SFI1: variants seen among roughly 807,000 people sequenced by gnomAD.
SFI1 encodes the protein SFI1 centrin binding protein.
SFI1 carries 195 observed loss-of-function variants against 207.5 expected under a neutral mutation model. The ratio of observed to expected loss-of-function variants is 0.94; its 90% CI spans 0.84 to 1.06. The LOEUF (loss-of-function observed/expected upper bound fraction) is 1.06, where lower values mean the gene tolerates loss of function less well. Ranked by LOEUF, SFI1 falls within the 50% of genes least tolerant of loss-of-function variation. The probability of loss-of-function intolerance (pLI) is 0.00; values close to 1 mark genes in which losing one functional copy is unlikely to be tolerated. For missense variants in SFI1, 1,634 were observed against 1,588.0 expected, an observed-to-expected ratio of 1.03 and a Z score of -0.49; for synonymous variants, 630 against 598.9, an observed-to-expected ratio of 1.05 and a Z score of -0.76.
chr22:31,615,166 G>T lies in SFI1; in HGVS notation c.3187G>T (p.Ala1063Ser), dbSNP rs112771002. 6.2e-7 allele frequency: 1 copy of T among 1,605,304 alleles called. No individual in the cohort carries two copies. The highest frequency in any genetic ancestry group is 1.1e-5 in the South Asian group (1 of 90,662). Reference sequence around the variant, plus strand: ...GGTCCCACACAGCCCCCTGCCTGGGGCCCTGTCAAGCGCCCCTGGCCCGAA... The same window carrying T: ...GGTCCCACACAGCCCCCTGCCTGGGTCCCTGTCAAGCGCCCCTGGCCCGAA... The part of the protein sequence containing the change: ...ALVPHSPLPG[A>S]LSSAPGPKQP... The change falls in exon 29 of 33, where the codon GCC becomes TCC. Residue 1063 changes from alanine (A) to serine (S), a missense_variant. Physicochemically the swap from Ala to Ser is moderately conservative, Grantham distance 99 (BLOSUM62 1). Coordinates refer to ENST00000400288, the MANE Select transcript of SFI1 (RefSeq NM_001007467.3).
chr22:31,611,197 A>G lies in SFI1; in HGVS notation c.2309A>G (p.Gln770Arg). 6.2e-7 allele frequency: 1 copy of G among 1,614,122 alleles called. No individual in the cohort carries two copies. The highest frequency in any genetic ancestry group is 8.5e-7 in the Non-Finnish European group (1 of 1,180,040). The stretch of plus-strand genomic sequence containing the variant: ...TGGGACTGCAGCCGGAGGTCAGCCC[A>G]GCAGAGACTGCAGCTGGAGAGGGCA... ...RWWDCSRRSA[Q>R]QRLQLERAVQ... The change falls in exon 23 of 33, where the codon CAG becomes CGG. Residue 770 changes from glutamine (Q) to arginine (R), a missense_variant. Transcript: ENST00000400288.
chr22:31,595,711 G>A (rs1328256292), intron 15 of SFI1, among the ~76,000 whole-genome samples: 2 of 152,232 alleles, frequency 1.3e-5, no homozygotes, highest in Non-Finnish European at 2.9e-5. Flanking sequence ...GAGCATGGAA[G>A]TATCTGGGAG....
At chr22:31,550,687 A>T in intron 6 of SFI1, 1 of 255,944 alleles carries the variant, frequency 3.9e-6, no homozygotes. Flanking sequence ...CAAGTTGCCC[A>T]GAGACTCTGG....
intron 9 of SFI1, among the ~76,000 whole-genome samples, chr22:31,573,524 G>A (rs187530331): frequency 4.7e-5 from 7 of 150,010 alleles, no homozygotes; most frequent in African/African-American, 1.7e-4. Context: ...TGCAACCTCC[G>A]TCTCCTGGGT....
chr22:31,617,138 T>A, intron 31 of SFI1, 60 bp downstream of exon 31: 1 of 1,581,924 alleles, frequency 6.3e-7, no homozygotes, highest in Non-Finnish European at 8.7e-7. Context: ...CCTGGAGAGG[T>A]GGGCAGGCAG....
At position 31,559,482 on chromosome 22, in the gene SFI1, T is replaced by C. The variant is rs2148226599; in HGVS notation, c.663-1808T>C. On this transcript the variant is annotated intron_variant, in intron 7 of 32. Coordinates refer to ENST00000400288, the MANE Select transcript of SFI1 (RefSeq NM_001007467.3). ...TACACACCGCCAGTTGTGTTCCTGC[T>C]ATGTCTCTAGTGATCCCTGAAAAGT... The C allele has an allele frequency of 2.5e-5, 12 of 484,778 alleles. 2 individuals are homozygous for C. Among genetic ancestry groups the C allele is most frequent in the South Asian group, 2.1e-4 (11 of 53,252 alleles). 30.0% of individuals were successfully genotyped at this position (484,778 alleles called of 1,614,324 possible). A position where few individuals can be genotyped will look rare whatever the true frequency, so the allele number is the denominator to read the frequency against.
At chr22:31,593,863 C>T (rs2066577846) in intron 15 of SFI1, among the ~76,000 whole-genome samples, 1 of 148,462 alleles carries the variant, frequency 6.7e-6, no homozygotes, top group Admixed American at 6.7e-5. Flanking sequence ...CGCGTGCCTG[C>T]AATCGCAGGC....
At chr22:31,540,263 AT>A (rs938813624) in intron 4 of SFI1, among the ~76,000 whole-genome samples, 20 of 149,270 alleles carry the variant, frequency 1.3e-4, no homozygotes, top group Admixed American at 4.0e-4. Context: ...ATTTTATTTT[AT>A]TTTATTTATT....
chr22:31,496,463 C>T (rs1470142134), upstream of SFI1: 1 of 152,346 alleles, frequency 6.6e-6, no homozygotes, highest in Non-Finnish European at 1.5e-5. Flanking sequence ...GGGTGGTCCT[C>T]GTGCGCGCCG....
intron 1 of SFI1, among the ~76,000 whole-genome samples, chr22:31,501,328 C>T (rs979219201): frequency 2.0e-5 from 3 of 151,842 alleles, no homozygotes; most frequent in East Asian, 1.9e-4. Context: ...CCCGCCACCA[C>T]GCCCGGCTAA....
chr22:31,508,127 C>T (rs2054924813), intron 1 of SFI1, 128 bp from the exon 2 acceptor site: 8 of 546,530 alleles, frequency 1.5e-5, no homozygotes, highest in East Asian at 6.6e-5. Context: ...AGTCAGAGAC[C>T]TAGCCCACAT....
chr22:31,506,072 C>CA (rs1487474861), intron 1 of SFI1, among the ~76,000 whole-genome samples: 1 of 147,012 alleles, frequency 6.8e-6, no homozygotes, highest in Non-Finnish European at 1.5e-5. Context: ...TTTTCTGAGA[C>CA]AGAGTCTTGC....
intron 22 of SFI1, 96 bp downstream of exon 22, chr22:31,608,129 T>C: frequency 4.5e-6 from 4 of 897,296 alleles, no homozygotes; most frequent in South Asian, 1.5e-5. Context: ...CTCCTCCTCA[T>C]ACATGCCAGT....
chr22:31,578,573 A>G (rs576933312), intron 11 of SFI1, 121 bp downstream of exon 11: 75 of 782,622 alleles, frequency 9.6e-5, no homozygotes, highest in Non-Finnish European at 1.4e-4. Context: ...AGTTTTGGTC[A>G]TGAAGCCCTC....
At chr22:31,587,348 C>T in intron 14 of SFI1, 1 of 379,398 alleles carries the variant, frequency 2.6e-6, no homozygotes, top group Non-Finnish European at 5.5e-6. Flanking sequence ...GTCACCCAGG[C>T]TGGAGTACAG....
intron 21 of SFI1, 123 bp from the exon 22 acceptor site, chr22:31,607,814 T>C: frequency 1.4e-6 from 1 of 734,938 alleles, no homozygotes; most frequent in Non-Finnish European, 2.3e-6. Context: ...TCCTGGACCG[T>C]GTGTGAGAAG....
At chr22:31,579,921 TC>T (rs1395439975) in intron 11 of SFI1, among the ~76,000 whole-genome samples, 1 of 152,220 alleles carries the variant, frequency 6.6e-6, no homozygotes, top group African/African-American at 2.4e-5. Flanking sequence ...AGACAAAAAG[TC>T]TGTCTTCTCC....
chr22:31,552,776 A>G (rs1368129460), intron 6 of SFI1, among the ~76,000 whole-genome samples: 2 of 152,084 alleles, frequency 1.3e-5, no homozygotes, highest in Admixed American at 1.3e-4. Context: ...GGTTCAACTA[A>G]TTTATATTCC....
At chr22:31,609,426 C>T (rs2069673401) in intron 22 of SFI1, among the ~76,000 whole-genome samples, 1 of 152,110 alleles carries the variant, frequency 6.6e-6, no homozygotes, top group South Asian at 2.1e-4. Flanking sequence ...CTAGGGGTCC[C>T]ATAGTAGGAG....
Sources: allele counts gnomAD v4.1 joint callset (sites outside exome capture counted in the v4.1 genomes callset), GRCh38; gene constraint gnomAD v4.1.1; transcripts MANE v1.5; gene names NCBI Gene and HGNC (gene_info 2026-07-23, HGNC 2026-07-21).